ARSG: variants seen among roughly 807,000 people sequenced by gnomAD.
ARSG encodes ASG.
In ARSG, 37 loss-of-function variants were observed where a neutral mutation model predicts 50.5. The ratio of observed to expected loss-of-function variants is 0.73; its 90% CI spans 0.56 to 0.96. The LOEUF (loss-of-function observed/expected upper bound fraction) is 0.96, where lower values mean the gene tolerates loss of function less well. Ranked by LOEUF, ARSG falls within the 50% of genes least tolerant of loss-of-function variation. ARSG has a pLI of 0.00. For synonymous variants in ARSG, 225 were observed against 254.6 expected, an observed-to-expected ratio of 0.88 and a Z score of 1.11; for missense variants, 629 against 675.3, an observed-to-expected ratio of 0.93 and a Z score of 0.76.
In ARSG at chr17:68,341,524, G is replaced by GCC. The variant is rs368494186; in HGVS notation, c.219-2079_219-2078dup. On this transcript the variant is annotated intron_variant, in intron 2 of 11. Coordinates refer to ENST00000621439, the MANE Select transcript of ARSG (RefSeq NM_001267727.2). The stretch of plus-strand genomic sequence containing the variant: ...CTTTTAGATTGATTCCAACCTCTGT[G>GCC]CCACTTCCTCTATGGAGATTTCTCT... Among the ~76,000 whole-genome samples, 320 of 152,226 alleles carry GCC rather than the reference G, an allele frequency of 2.1e-3. 2 individuals are homozygous for GCC. Among genetic ancestry groups the GCC allele is most frequent in the African/African-American group, 7.4e-3 (307 of 41,538 alleles).
chr17:68,331,426 A>T (rs966704289), intron 2 of ARSG, among the ~76,000 whole-genome samples: 3 of 151,964 alleles, frequency 2.0e-5, no homozygotes, highest in Admixed American at 1.3e-4. Context: ...TCGTATTTTT[A>T]GTAGAGACGG....
At chr17:68,362,093 G>A (rs556975366) in intron 6 of ARSG, among the ~76,000 whole-genome samples, 2 of 152,258 alleles carry the variant, frequency 1.3e-5, no homozygotes, top group African/African-American at 4.8e-5. Context: ...TCCTCAGGAT[G>A]CAGAGATGAA....
chr17:68,379,938 C>G, intron 8 of ARSG: 6 of 867,046 alleles, frequency 6.9e-6, no homozygotes, highest in Non-Finnish European at 6.9e-6. Context: ...TTCCCACAGC[C>G]CTGTGAGATA....
chr17:68,383,426 C>T (rs565637898), intron 8 of ARSG, among the ~76,000 whole-genome samples: 1 of 152,346 alleles, frequency 6.6e-6, no homozygotes, highest in African/African-American at 2.4e-5. Context: ...TTTCCTGGAA[C>T]CACAGCCGTG....
chr17:68,433,625 T>C, the ARSG span: 13 of 1,480,894 alleles, frequency 8.8e-6, no homozygotes, highest in African/African-American at 5.5e-5. Context: ...ATGGGAGTTA[T>C]GGCCTTATAA....
intron 1 of ARSG, among the ~76,000 whole-genome samples, chr17:68,261,168 AT>A (rs1164578191): frequency 6.6e-6 from 1 of 151,916 alleles, no homozygotes; most frequent in East Asian, 1.9e-4. Context: ...AATAGATAAC[AT>A]TTTTTTTCTC....
chr17:68,272,777 A>G (rs782144540), intron 1 of ARSG: 2 of 1,613,548 alleles, frequency 1.2e-6, no homozygotes, highest in Admixed American at 3.3e-5. Flanking sequence ...CCTGTGAAAG[A>G]AAAGTCAAAA....
chr17:68,334,658 G>T (rs934389563), intron 2 of ARSG, among the ~76,000 whole-genome samples: 1 of 152,092 alleles, frequency 6.6e-6, no homozygotes, highest in Non-Finnish European at 1.5e-5. Flanking sequence ...AGATGGTCAG[G>T]CTGGGAGGTC....
chr17:68,347,137 T>C lies in ARSG; in HGVS notation c.419T>C (p.Leu140Pro). 6.2e-7 allele frequency: 1 copy of C among 1,614,110 alleles called. No individual in the cohort carries two copies. The highest frequency in any genetic ancestry group is 8.5e-7 in the Non-Finnish European group (1 of 1,179,988). ...YVTGIIGKWH[L>P]GHHGSYHPNF... ...TGTTTTTCTACAGGCAAATGGCATC[T>C]TGGACACCACGGCTCTTATCACCCC... Residue 140 changes from leucine to proline, a missense_variant, in exon 4 of 12, where the codon CTT (leucine) becomes CCT (proline). Leu to Pro is a moderately conservative substitution (Grantham distance 98). Transcript: ENST00000621439.
Position 68,395,152 on chromosome 17 carries a change from G to T in ARSG, c.1171G>T (p.Val391Phe), listed in dbSNP as rs752293584. ...PQGRRFDGVD[V>F]SEVLFGRSQP... is the part of the protein sequence containing the mutation. ...AGGACGGCGCTTTGATGGTGTGGAC[G>T]TCTCCGAGGTGCTCTTTGGCCGGTC... The change falls in exon 10 of 12, where the codon GTC becomes TTC. Residue 391 changes from valine to phenylalanine, a missense_variant. Physicochemically the swap from Val to Phe is conservative, Grantham distance 50 (BLOSUM62 -1). Coordinates refer to ENST00000621439, the MANE Select transcript of ARSG (RefSeq NM_001267727.2). 9.3e-6 allele frequency: 15 copies of T among 1,613,992 alleles called. No individual in the cohort carries two copies. Among genetic ancestry groups the T allele is most frequent in the Non-Finnish European group, 1.3e-5 (15 of 1,179,968 alleles).
intron 1 of ARSG, among the ~76,000 whole-genome samples, chr17:68,297,996 A>G (rs555795359): frequency 7.1e-5 from 9 of 126,888 alleles, no homozygotes; most frequent in African/African-American, 2.6e-4. Context: ...TTCCCCTGAT[A>G]TCTAATTCCA....
the ARSG span, chr17:68,434,480 C>G: frequency 4.0e-6 from 6 of 1,515,950 alleles, no homozygotes; most frequent in South Asian, 7.1e-5. Context: ...TCTCTGTCCT[C>G]TCCCTAGACA....
At chr17:68,306,371 T>C (rs2076609836) in intron 1 of ARSG, among the ~76,000 whole-genome samples, 1 of 151,888 alleles carries the variant, frequency 6.6e-6, no homozygotes, top group Non-Finnish European at 1.5e-5. Context: ...CCAGCCTGGG[T>C]GACAGAGTGA....
intron 2 of ARSG, among the ~76,000 whole-genome samples, chr17:68,327,513 C>T (rs572414478): frequency 6.6e-6 from 1 of 152,212 alleles, no homozygotes; most frequent in African/African-American, 2.4e-5. Flanking sequence ...CTTCACATGG[C>T]CATCTTCCCT....
Position 68,385,050 on chromosome 17 carries a change from C to G in ARSG, c.983-14C>G. 6.2e-7 allele frequency: 1 copy of G among 1,610,124 alleles called. No homozygotes were observed. Among genetic ancestry groups the G allele is most frequent in the Non-Finnish European group, 8.5e-7 (1 of 1,176,506 alleles). ...TCACCATGGATGAACCAGCTGCCTC[C>G]CCTCCTCTCACAGGGGGAAGTCCAG... On this transcript the variant is annotated splice_polypyrimidine_tract_variant and intron_variant, in intron 8 of 11. Transcript: ENST00000621439.
the ARSG span, among the ~76,000 whole-genome samples, chr17:68,450,072 C>A: frequency 6.6e-6 from 1 of 152,134 alleles, no homozygotes; most frequent in Non-Finnish European, 1.5e-5. Context: ...CTGCTAACAC[C>A]CCCAATACTT....
chr17:68,358,845 A>G (rs1006069731), intron 6 of ARSG, among the ~76,000 whole-genome samples: 5 of 151,460 alleles, frequency 3.3e-5, no homozygotes, highest in African/African-American at 1.2e-4. Context: ...CCAGCCTGAC[A>G]CATGGAGAGC....
At chr17:68,434,462 A>G in the ARSG span, 1 of 1,335,604 alleles carries the variant, frequency 7.5e-7, no homozygotes, top group Non-Finnish European at 1.0e-6. Flanking sequence ...TGGAGGGCAC[A>G]GAGCCACTCT....
At chr17:68,265,157 A>AG (rs1440866150) in intron 1 of ARSG, among the ~76,000 whole-genome samples, 1 of 131,920 alleles carries the variant, frequency 7.6e-6, no homozygotes, top group African/African-American at 2.7e-5. Context: ...TCCATCTCAG[A>AG]AAAAAAAAAA....
Sources: gnomAD v4.1 joint callset for allele counts (sites outside exome capture counted in the v4.1 genomes callset) on GRCh38, gnomAD v4.1.1 for gene constraint, MANE v1.5 for transcripts, NCBI Gene and HGNC (gene_info 2026-07-23, HGNC 2026-07-21) for gene names.